SLC38A4: variants seen among roughly 807,000 people sequenced by gnomAD.
SLC38A4 encodes solute carrier family 38 member 4.
Under a neutral mutation model 63.1 loss-of-function variants are expected in SLC38A4, and 20 were observed. That is an observed-to-expected ratio of 0.32 (90% CI 0.22 to 0.46). SLC38A4 has a LOEUF of 0.46. Ranked by LOEUF, SLC38A4 falls within the 20% of genes least tolerant of loss-of-function variation. The pLI is 1.00. For missense variants in SLC38A4, 526 were observed against 663.6 expected (o/e 0.79, Z 2.28); for synonymous variants, 230 against 225.5 (o/e 1.02, Z -0.18).
At chr12:46,777,325 A>G (rs925642148) in intron 12 of SLC38A4, among the ~76,000 whole-genome samples, 3 of 151,944 alleles carry the variant, frequency 2.0e-5, no homozygotes, top group Admixed American at 6.6e-5. Flanking sequence ...TAACATAGAA[A>G]GCTTTTGCAT....
At chr12:46,800,784 G>C (rs1939117132) in intron 2 of SLC38A4, among the ~76,000 whole-genome samples, 1 of 152,090 alleles carries the variant, frequency 6.6e-6, no homozygotes, top group African/African-American at 2.4e-5. Context: ...ACAGTGCCTA[G>C]TGTTACATTC....
At chr12:46,778,252 A>G (rs1442747300) in intron 12 of SLC38A4, 37 bp downstream of exon 12, 12 of 1,598,406 alleles carry the variant, frequency 7.5e-6, no homozygotes, top group Non-Finnish European at 8.6e-6. Flanking sequence ...GCAGAATTTC[A>G]AAGCAAATTA....
chr12:46,766,367 C>T lies in SLC38A4; in HGVS notation c.*334G>A. 2.1e-6 allele frequency: 1 copy of T among 469,592 alleles called. No homozygotes were observed. Among genetic ancestry groups the T allele is most frequent in the Non-Finnish European group, 4.2e-6 (1 of 236,024 alleles). The allele number at this position is 469,592 out of a possible 1,614,324, so 29.1% of individuals were successfully genotyped here. ...TAGGGGGTGCAGGATGAGGAGACGG[C>T]AGGGGAAAGAGTACTATCTGATGAT... On this transcript the variant is annotated 3_prime_UTR_variant, in exon 17 of 17. Transcript: ENST00000266579.
At position 46,777,449 on chromosome 12, in the gene SLC38A4, TG is replaced by T. The variant is rs201187334; in HGVS notation, c.1074-446del. On this transcript the variant is annotated intron_variant, in intron 12 of 16. Coordinates refer to ENST00000266579, the MANE Select transcript of SLC38A4 (RefSeq NM_018018.5). ...TCTGAAAACCATTCTAGAAGGAACC[TG>T]GCTGCCAAAGATCAATTGTCAGGCT... Among the ~76,000 whole-genome samples the T allele has an allele frequency of 3.3e-4, 50 of 152,128 alleles. 3 individuals are homozygous for T. The East Asian group carries it at 9.3e-3, about 28-fold the overall frequency.
intron 1 of SLC38A4, among the ~76,000 whole-genome samples, chr12:46,811,255 C>G (rs955334652): frequency 6.6e-6 from 1 of 151,974 alleles, no homozygotes; most frequent in Non-Finnish European, 1.5e-5. Flanking sequence ...TTATGTAGGT[C>G]ATGATGATGT....
At chr12:46,823,478 A>C (rs997186829) in intron 1 of SLC38A4, among the ~76,000 whole-genome samples, 1 of 152,198 alleles carries the variant, frequency 6.6e-6, no homozygotes, top group Non-Finnish European at 1.5e-5. Context: ...ATGTTTCTTC[A>C]TGTTGAGACT....
upstream of SLC38A4, among the ~76,000 whole-genome samples, chr12:46,828,578 C>T (rs1342852366): frequency 2.0e-5 from 3 of 152,340 alleles, no homozygotes; most frequent in Admixed American, 2.0e-4. Flanking sequence ...TCTCCTCAGC[C>T]TCCCAAAGAG....
At chr12:46,791,894 A>T (rs531897799) in intron 3 of SLC38A4, among the ~76,000 whole-genome samples, 1 of 152,156 alleles carries the variant, frequency 6.6e-6, no homozygotes, top group East Asian at 1.9e-4. Context: ...GGAGCAGGTG[A>T]CTGATTCCAG....
At chr12:46,780,070 A>G in intron 7 of SLC38A4, 40 bp from the exon 8 acceptor site, 1 of 1,463,766 alleles carries the variant, frequency 6.8e-7, no homozygotes, top group Non-Finnish European at 9.6e-7. Flanking sequence ...TGTGGACAGT[A>G]CTGAAGTCAC....
At chr12:46,790,192 G>A (rs910943354) in intron 3 of SLC38A4, among the ~76,000 whole-genome samples, 1 of 152,114 alleles carries the variant, frequency 6.6e-6, no homozygotes, top group Non-Finnish European at 1.5e-5. Flanking sequence ...ATCTGGAGAG[G>A]AAAGAGGATG....
At chr12:46,802,437 C>T (rs771580869) in intron 2 of SLC38A4, among the ~76,000 whole-genome samples, 4 of 151,924 alleles carry the variant, frequency 2.6e-5, no homozygotes, top group Non-Finnish European at 5.9e-5. Context: ...TTTCTTTAAA[C>T]TAACTCACAT....
At chr12:46,796,746 A>T (rs1453945561) in intron 2 of SLC38A4, among the ~76,000 whole-genome samples, 2 of 81,252 alleles carry the variant, frequency 2.5e-5, no homozygotes, top group Non-Finnish European at 8.4e-5. Flanking sequence ...TTATCCTAGC[A>T]TCCTCCCTTG....
At chr12:46,808,382 C>T (rs1939277457) in intron 1 of SLC38A4, among the ~76,000 whole-genome samples, 1 of 152,000 alleles carries the variant, frequency 6.6e-6, no homozygotes, top group African/African-American at 2.4e-5. Flanking sequence ...ATGGAGCATT[C>T]TGGAAATGTT....
rs377052033 is a variant in SLC38A4 at position 46,768,132 on chromosome 12, A to G, written c.1542+178T>C. The stretch of plus-strand genomic sequence containing the variant: ...ACACAGGATATTTGATATTTGAAGT[A>G]GAATCATTTGAGTTTCAGAAATATG... On this transcript the variant is annotated intron_variant, in intron 16 of 16. Coordinates refer to ENST00000266579, the MANE Select transcript of SLC38A4 (RefSeq NM_018018.5). Among the ~76,000 whole-genome samples, 14 of 152,292 alleles carry G rather than the reference A, an allele frequency of 9.2e-5. No individual in the cohort carries two copies. The South Asian group carries it at 2.7e-3, about 29-fold the overall frequency.
At chr12:46,815,025 G>A (rs1048707846) in intron 1 of SLC38A4, among the ~76,000 whole-genome samples, 13 of 151,552 alleles carry the variant, frequency 8.6e-5, no homozygotes, top group Non-Finnish European at 1.2e-4. Flanking sequence ...AATAGATCAC[G>A]TACCATGGCT....
In SLC38A4 at chr12:46,784,568, A is replaced by G. The variant is rs141830716; in HGVS notation, c.467T>C (p.Val156Ala). ...TCCAATGTTCTGCATTGTAATGGAA[A>G]CAAAAGCTCCAATTTTTCCCGGCCA... ...FGWPGKIGAF[V>A]SITMQNIGAM... Residue 156 changes from valine to alanine, a missense_variant, in exon 7 of 17, where the codon GTT (valine) becomes GCT (alanine). Coordinates refer to ENST00000266579, the MANE Select transcript of SLC38A4 (RefSeq NM_018018.5). 3 of 1,612,846 alleles carry G rather than the reference A, an allele frequency of 1.9e-6. No homozygotes were observed. The highest frequency in any genetic ancestry group is 2.7e-5 in the African/African-American group (2 of 74,848).
At chr12:46,810,654 G>A (rs1012921232) in intron 1 of SLC38A4, among the ~76,000 whole-genome samples, 1 of 151,750 alleles carries the variant, frequency 6.6e-6, no homozygotes, top group Non-Finnish European at 1.5e-5. Context: ...CCAGAATGTG[G>A]AAATGTAGAT....
At chr12:46,830,274 T>C (rs1446421506), upstream of SLC38A4, among the ~76,000 whole-genome samples, 1 of 148,544 alleles carries the variant, frequency 6.7e-6, no homozygotes, top group Non-Finnish European at 1.5e-5. Context: ...TTTGTTAGAA[T>C]TTAAGAAATT....
intron 2 of SLC38A4, 76 bp downstream of exon 2, chr12:46,803,523 TAATA>T (rs1939172792): frequency 6.6e-6 from 1 of 151,908 alleles, no homozygotes; most frequent in Non-Finnish European, 1.5e-5. Flanking sequence ...AATTTTTAAT[TAATA>T]AACAAACAAC....
Sources: gnomAD v4.1 joint callset for allele counts (sites outside exome capture counted in the v4.1 genomes callset) on GRCh38, gnomAD v4.1.1 for gene constraint, MANE v1.5 for transcripts, NCBI Gene and HGNC (gene_info 2026-07-23, HGNC 2026-07-21) for gene names.